Variants in TPD52L1 observed in about 807,000 individuals in gnomAD.
TPD52L1 encodes tumor protein D53.
In TPD52L1, 18 loss-of-function variants were observed where a neutral mutation model predicts 28.7. The observed-to-expected ratio is 0.63, with a 90% CI of 0.43 to 0.93. The LOEUF (loss-of-function observed/expected upper bound fraction) is 0.93, where lower values mean the gene tolerates loss of function less well. TPD52L1 is among the 40% of genes least tolerant of loss of function. The pLI is 0.00. For synonymous variants in TPD52L1, 75 were observed against 88.8 expected (o/e 0.84, Z 0.88); for missense variants, 203 against 254.8 (o/e 0.80, Z 1.39).
chr6:125,261,251 A>G (rs1798040184), intron 6 of TPD52L1: 1 of 152,246 alleles, frequency 6.6e-6, no homozygotes, highest in East Asian at 1.9e-4. Context: ...AAATAAATTT[A>G]AGAGGCAGAG....
intron 4 of TPD52L1, among the ~76,000 whole-genome samples, chr6:125,251,282 C>A (rs1293609634): frequency 2.6e-5 from 4 of 152,046 alleles, no homozygotes; most frequent in African/African-American, 4.8e-5. Context: ...TTATTAGTTA[C>A]ACTATAACAT....
intron 1 of TPD52L1, 98 bp downstream of exon 1, chr6:125,154,068 G>C (rs951085280): frequency 5.4e-6 from 8 of 1,484,870 alleles, no homozygotes; most frequent in Non-Finnish European, 6.3e-6. Context: ...AGAACAGATT[G>C]GTGCCGTGTT....
chr6:125,245,086 C>A lies in TPD52L1; in HGVS notation c.285-3196C>A, dbSNP rs184834852. Among the ~76,000 whole-genome samples the A allele has an allele frequency of 1.7e-4, 26 of 152,338 alleles. 1 individual carries two copies. In the East Asian group the frequency reaches 4.8e-3, roughly 28 times the overall value. ...CCTGTGATATGACCAGTCTTCAGGT[C>A]TCCCAGCTGTGGATACCAGTACTTG... On this transcript the variant is annotated intron_variant, in intron 3 of 6. Transcript: ENST00000534000.
chr6:125,235,735 CT>C (rs1427515229), intron 3 of TPD52L1, among the ~76,000 whole-genome samples: 2 of 152,218 alleles, frequency 1.3e-5, no homozygotes, highest in Non-Finnish European at 2.9e-5. Flanking sequence ...TAGCAACTAA[CT>C]GTTTTCAAGA....
At chr6:125,214,041 C>T (rs1441533206) in intron 1 of TPD52L1, among the ~76,000 whole-genome samples, 2 of 152,168 alleles carry the variant, frequency 1.3e-5, no homozygotes, top group East Asian at 3.9e-4. Context: ...GATGGCTGAG[C>T]TGTAGAAGGG....
chr6:125,158,703 T>C (rs1186272734), intron 1 of TPD52L1, among the ~76,000 whole-genome samples: 10 of 152,298 alleles, frequency 6.6e-5, no homozygotes, highest in African/African-American at 2.4e-4. Context: ...TGTTATAAAA[T>C]GATAAAAGAA....
chr6:125,186,097 T>A (rs1229847354), intron 1 of TPD52L1, among the ~76,000 whole-genome samples: 2 of 152,028 alleles, frequency 1.3e-5, no homozygotes, highest in African/African-American at 4.8e-5. Flanking sequence ...TTTCACCATG[T>A]CGATCAGGCT....
chr6:125,203,923 T>A (rs1459648964), intron 1 of TPD52L1: 1 of 447,792 alleles, frequency 2.2e-6, no homozygotes, highest in Non-Finnish European at 2.9e-6. Context: ...TTTACTGATA[T>A]ATTCTAAACA....
At chr6:125,213,653 C>T (rs1794663300) in intron 1 of TPD52L1, among the ~76,000 whole-genome samples, 1 of 152,110 alleles carries the variant, frequency 6.6e-6, no homozygotes, top group South Asian at 2.1e-4. Context: ...GTTCTGAATC[C>T]TATCCATGGT....
chr6:125,223,752 T>C (rs1044060394), intron 2 of TPD52L1, among the ~76,000 whole-genome samples: 3 of 150,108 alleles, frequency 2.0e-5, no homozygotes, highest in Non-Finnish European at 4.4e-5. Context: ...TTAACATAAC[T>C]TGATCTTTAA....
At chr6:125,252,177 A>G in intron 4 of TPD52L1, 1 of 933,052 alleles carries the variant, frequency 1.1e-6, no homozygotes, top group Non-Finnish European at 1.6e-6. Context: ...GTGACCAGGA[A>G]GATAGTTTAT....
At position 125,220,096 on chromosome 6, in the gene TPD52L1, C is replaced by T. The variant is rs747392476; in HGVS notation, c.38C>T (p.Pro13Leu). The T allele has an allele frequency of 9.3e-6, 15 of 1,613,314 alleles. No individual in the cohort carries two copies. In the East Asian group the frequency reaches 1.3e-4, roughly 14 times the overall value. Reference sequence around the variant, plus strand: ...CCTAAAGGTTTGTTGGAGACTGAACCGTTGCAAGGAACAGACGAAGATGCA... The same window carrying T: ...CCTAAAGGTTTGTTGGAGACTGAACTGTTGCAAGGAACAGACGAAGATGCA... ...AQAQGLLETE[P>L]LQGTDEDAVA... The change falls in exon 2 of 7, where the codon CCG (proline) becomes CTG (leucine). Residue 13 changes from proline to leucine, a missense_variant. By Grantham distance (98) the Pro-to-Leu change is moderately conservative. Transcript: ENST00000534000.
chr6:125,263,048 T>A lies in TPD52L1; in HGVS notation c.*86T>A. On this transcript the variant is annotated 3_prime_UTR_variant, in exon 7 of 7. Transcript: ENST00000534000. ...GCTTATCCAGATAAGAAGACCAAAA[T>A]CCCGCTGGGAAAAACCCAGGCCTTG... is the stretch of plus-strand genomic sequence containing the variant. 2 of 1,442,012 alleles carry A rather than the reference T, an allele frequency of 1.4e-6. No individual in the cohort carries two copies. The highest frequency in any genetic ancestry group is 5.1e-5 in the East Asian group (2 of 39,320). 89.3% of individuals were successfully genotyped at this position (1,442,012 alleles called of 1,614,324 possible).
intron 1 of TPD52L1, among the ~76,000 whole-genome samples, chr6:125,198,905 A>G (rs571756315): frequency 6.6e-6 from 1 of 152,284 alleles, no homozygotes; most frequent in South Asian, 2.1e-4. Flanking sequence ...AATCACAACA[A>G]TGAGTTCCCC....
intron 6 of TPD52L1, among the ~76,000 whole-genome samples, chr6:125,260,685 A>G (rs1159320755): frequency 6.6e-6 from 1 of 151,764 alleles, no homozygotes; most frequent in Non-Finnish European, 1.5e-5. Flanking sequence ...GGTGCCTGTA[A>G]TATCAGCTAC....
At chr6:125,210,538 G>T (rs1412321620) in intron 1 of TPD52L1, among the ~76,000 whole-genome samples, 2 of 151,866 alleles carry the variant, frequency 1.3e-5, no homozygotes, top group East Asian at 1.9e-4. Flanking sequence ...TTTCTCCAGG[G>T]CATTCATTTT....
chr6:125,261,024 A>G lies in TPD52L1; in HGVS notation c.487-1810A>G, dbSNP rs1298301878. 132 of 30,594 alleles carry G rather than the reference A, an allele frequency of 4.3e-3. 19 individuals are homozygous for G. Among genetic ancestry groups the G allele is most frequent in the African/African-American group, 0.029 (129 of 4,404 alleles). 1.9% of individuals were successfully genotyped at this position (30,594 alleles called of 1,614,324 possible). A position where few individuals can be genotyped will look rare whatever the true frequency, so the allele number is the denominator to read the frequency against. ...AAAGAAAGAAAGAAAGAAAGAAAAG[A>G]AAAGAAAGAAAGAAAGAAAGAAAGA... On this transcript the variant is annotated intron_variant, in intron 6 of 6. Coordinates refer to ENST00000534000, the MANE Select transcript of TPD52L1 (RefSeq NM_003287.4).
intron 6 of TPD52L1, chr6:125,262,620 G>T: frequency 1.9e-6 from 1 of 539,820 alleles, no homozygotes; most frequent in Non-Finnish European, 3.1e-6. Flanking sequence ...CTAAAAGTGT[G>T]CAAAATTAAA....
chr6:125,249,667 A>T (rs985688493), intron 4 of TPD52L1, among the ~76,000 whole-genome samples: 2 of 143,006 alleles, frequency 1.4e-5, no homozygotes, highest in South Asian at 4.4e-4. Context: ...ACTCCAGCCT[A>T]GGCAATAGAG....
Sources: gnomAD v4.1 joint callset for allele counts (sites outside exome capture counted in the v4.1 genomes callset) on GRCh38, gnomAD v4.1.1 for gene constraint, MANE v1.5 for transcripts, NCBI Gene and HGNC (gene_info 2026-07-23, HGNC 2026-07-21) for gene names.